Variants in FSHR observed in about 807,000 individuals in gnomAD.
FSHR encodes follicle stimulating hormone receptor, also known as follicle-stimulating hormone receptor.
FSHR carries 46 observed loss-of-function variants against 52.1 expected under a neutral mutation model. The observed-to-expected ratio is 0.88, with a 90% CI of 0.70 to 1.13. The LOEUF is 1.13. FSHR is among the 50% of genes most tolerant of loss of function. FSHR has a pLI of 0.00. For synonymous variants in FSHR, 399 were observed against 309.6 expected (o/e 1.29, Z -3.03); for missense variants, 964 against 834.6 (o/e 1.16, Z -1.91).
chr2:49,013,826 A>C (rs1029401839), intron 4 of FSHR, among the ~76,000 whole-genome samples: 60 of 152,012 alleles, frequency 3.9e-4, no homozygotes, highest in Admixed American at 3.9e-3. Flanking sequence ...ATGTGATGAT[A>C]TTTAAGGGTA....
chr2:48,966,441 T>A (rs1316084336), intron 9 of FSHR, among the ~76,000 whole-genome samples: 1 of 152,104 alleles, frequency 6.6e-6, no homozygotes, highest in East Asian at 1.9e-4. Flanking sequence ...CAAGGAAATA[T>A]CAGGTTCAAT....
chr2:49,040,429 A>T (rs558447105), intron 2 of FSHR, among the ~76,000 whole-genome samples: 155 of 152,248 alleles, frequency 1.0e-3, no homozygotes, highest in African/African-American at 1.8e-3. Flanking sequence ...TCAATTTTTT[A>T]AAAAAAGGTC....
intron 2 of FSHR, among the ~76,000 whole-genome samples, chr2:49,029,337 C>T (rs1041036923): frequency 2.0e-5 from 3 of 152,138 alleles, no homozygotes; most frequent in African/African-American, 7.2e-5. Flanking sequence ...AACAACAAAA[C>T]TTGGCATGCT....
chr2:49,096,611 G>A (rs1275235937), intron 1 of FSHR, among the ~76,000 whole-genome samples: 1 of 152,126 alleles, frequency 6.6e-6, no homozygotes, highest in East Asian at 1.9e-4. Context: ...TATGGTATAT[G>A]AATATCTCCA....
intron 2 of FSHR, among the ~76,000 whole-genome samples, chr2:49,035,560 G>A (rs979895157): frequency 1.3e-5 from 2 of 152,152 alleles, no homozygotes; most frequent in African/African-American, 4.8e-5. Context: ...GGCATTTAAG[G>A]CTCTTGATCC....
chr2:49,153,430 A>G (rs1026166468), intron 1 of FSHR, among the ~76,000 whole-genome samples: 18 of 77,328 alleles, frequency 2.3e-4, no homozygotes, highest in Non-Finnish European at 3.3e-4. Flanking sequence ...TTGGGAAAAC[A>G]AAACAAAACA....
At chr2:49,017,374 C>T (rs751543999) in intron 4 of FSHR, 115 bp downstream of exon 4, 1 of 765,924 alleles carries the variant, frequency 1.3e-6, no homozygotes, top group Non-Finnish European at 2.2e-6. Flanking sequence ...TTCTGCCCCC[C>T]ACCACCATCC....
intron 4 of FSHR, among the ~76,000 whole-genome samples, chr2:49,011,689 G>C (rs1287595461): frequency 6.6e-6 from 1 of 152,020 alleles, no homozygotes; most frequent in Non-Finnish European, 1.5e-5. Context: ...AGAAAGCAAA[G>C]TTAAGCCGAT....
chr2:48,987,884 A>G (rs1224721334), intron 6 of FSHR, among the ~76,000 whole-genome samples: 1 of 150,230 alleles, frequency 6.7e-6, no homozygotes. Context: ...CTTCACTTCA[A>G]ATATCATGAG....
intron 1 of FSHR, among the ~76,000 whole-genome samples, chr2:49,082,692 A>C (rs1174216314): frequency 6.6e-6 from 1 of 152,208 alleles, no homozygotes; most frequent in Non-Finnish European, 1.5e-5. Context: ...GAACTACGTG[A>C]AGAATGCAGA....
chr2:49,067,492 T>C (rs991475397), intron 2 of FSHR, among the ~76,000 whole-genome samples: 77 of 152,228 alleles, frequency 5.1e-4, no homozygotes, highest in African/African-American at 1.8e-3. Context: ...ATTAAAGTCC[T>C]GAATCCTGGC....
intron 1 of FSHR, among the ~76,000 whole-genome samples, chr2:49,073,894 A>G (rs977709623): frequency 1.3e-5 from 2 of 152,096 alleles, no homozygotes; most frequent in African/African-American, 4.8e-5. Context: ...ATGTATTGAC[A>G]TTCAACTAAT....
intron 1 of FSHR, among the ~76,000 whole-genome samples, chr2:49,149,747 A>G (rs1672996504): frequency 6.6e-6 from 1 of 152,080 alleles, no homozygotes; most frequent in East Asian, 1.9e-4. Flanking sequence ...GATCTAAACC[A>G]GGATGAAAAA....
intron 2 of FSHR, among the ~76,000 whole-genome samples, chr2:49,025,921 C>T (rs780670994): frequency 6.6e-6 from 1 of 152,172 alleles, no homozygotes; most frequent in Non-Finnish European, 1.5e-5. Context: ...GAAATCATAA[C>T]CTAAAAAGCA....
At chr2:48,975,650 C>G (rs947544029) in intron 8 of FSHR, among the ~76,000 whole-genome samples, 4 of 152,256 alleles carry the variant, frequency 2.6e-5, no homozygotes, top group Admixed American at 1.3e-4. Context: ...ATCTCCTCTT[C>G]TCTTATTTCC....
At chr2:49,060,628 A>T (rs908236616) in intron 2 of FSHR, among the ~76,000 whole-genome samples, 2 of 152,202 alleles carry the variant, frequency 1.3e-5, no homozygotes, top group Admixed American at 6.5e-5. Flanking sequence ...GAACAGCTGC[A>T]TATTCCAAGG....
At chr2:49,141,528 A>G (rs1263204989) in intron 1 of FSHR, among the ~76,000 whole-genome samples, 2 of 152,122 alleles carry the variant, frequency 1.3e-5, no homozygotes, top group Non-Finnish European at 2.9e-5. Context: ...AACAGCACCA[A>G]GCCATGAAGG....
At chr2:49,013,415 T>A (rs1010257102) in intron 4 of FSHR, among the ~76,000 whole-genome samples, 1 of 147,974 alleles carries the variant, frequency 6.8e-6, no homozygotes, top group African/African-American at 2.5e-5. Context: ...CTTAGCAGTT[T>A]GGAAAATATT....
chr2:49,005,039 T>G (rs1382487710), intron 4 of FSHR, among the ~76,000 whole-genome samples: 1 of 151,984 alleles, frequency 6.6e-6, no homozygotes, highest in Non-Finnish European at 1.5e-5. Context: ...CATTACCTTT[T>G]TCAGGTTCCT....
Sources: gnomAD v4.1 joint callset for allele counts (sites outside exome capture counted in the v4.1 genomes callset) on GRCh38, gnomAD v4.1.1 for gene constraint, MANE v1.5 for transcripts, NCBI Gene and HGNC (gene_info 2026-07-23, HGNC 2026-07-21) for gene names.